WDR70: variants seen among roughly 807,000 people sequenced by gnomAD.
The protein encoded by WDR70 is WD repeat domain 70.
Under a neutral mutation model 88.6 loss-of-function variants are expected in WDR70, and 53 were observed. The observed-to-expected ratio is 0.60, with a 90% confidence interval of 0.48 to 0.75. The LOEUF (loss-of-function observed/expected upper bound fraction) is 0.75, where lower values mean the gene tolerates loss of function less well. WDR70 is among the 30% of genes least tolerant of loss of function. WDR70 has a pLI of 0.00. For missense variants in WDR70, 610 were observed against 823.2 expected (o/e 0.74, Z 3.17); for synonymous variants, 280 against 270.0 (o/e 1.04, Z -0.36).
rs185612216 is a variant in WDR70 at position 37,565,323 on chromosome 5, G to A, written c.918-39741G>A. On this transcript the variant is annotated intron_variant, in intron 9 of 17. Coordinates refer to ENST00000265107, the MANE Select transcript of WDR70 (RefSeq NM_018034.4). ...GTAAAATTCTAAAGTCTAAATAAAC[G>A]TTACAAAGCATTTGACAATCTTGAC... 2.4e-3 allele frequency among the ~76,000 whole-genome samples: 368 copies of A among 152,156 alleles called. 2 individuals are homozygous for A. The highest frequency in any genetic ancestry group is 8.4e-3 in the African/African-American group (347 of 41,540).
chr5:37,563,769 C>T (rs1229398519), intron 9 of WDR70, among the ~76,000 whole-genome samples: 2 of 134,098 alleles, frequency 1.5e-5, no homozygotes, highest in Admixed American at 7.7e-5. Flanking sequence ...ACGTCCCAGA[C>T]GGAGTGGCTG....
rs1335309168 is a variant in WDR70 at position 37,589,241 on chromosome 5, T to TACAC, written c.918-15819_918-15816dup. On this transcript the variant is annotated intron_variant, in intron 9 of 17. Transcript: ENST00000265107. ...GTGAATACATACATACATATATACCTACACACATACACACACACACACACA... is the reference window on the plus strand; with the variant it reads ...GTGAATACATACATACATATATACCTACACACACACATACACACACACACACACA... Among the ~76,000 whole-genome samples the TACAC allele has an allele frequency of 1.5e-3, 108 of 70,652 alleles. 1 individual carries two copies. The highest frequency in any genetic ancestry group is 4.6e-3 in the African/African-American group (91 of 19,668). 46.4% of individuals were successfully genotyped at this position (70,652 alleles called of 152,430 possible).
chr5:37,479,207 T>C (rs1019508056), intron 7 of WDR70, among the ~76,000 whole-genome samples: 2 of 152,088 alleles, frequency 1.3e-5, no homozygotes, highest in Non-Finnish European at 2.9e-5. Flanking sequence ...AGGCAGTTCT[T>C]GTTTTCTGAG....
chr5:37,665,587 C>T (rs1053789789), intron 10 of WDR70, among the ~76,000 whole-genome samples: 2 of 152,182 alleles, frequency 1.3e-5, no homozygotes, highest in East Asian at 3.8e-4. Context: ...TGAACTCATG[C>T]TGCTGGAAAA....
At chr5:37,723,378 C>T (rs1274757026) in intron 15 of WDR70, 2 of 181,390 alleles carry the variant, frequency 1.1e-5, no homozygotes, top group East Asian at 2.8e-4. Flanking sequence ...CTCTGAAATT[C>T]TATGACCATG....
chr5:37,500,568 T>G, intron 8 of WDR70, among the ~76,000 whole-genome samples: 1 of 152,186 alleles, frequency 6.6e-6, no homozygotes, highest in Admixed American at 6.5e-5. Flanking sequence ...AAGTGTTCCC[T>G]TTTCACCACA....
intron 9 of WDR70, among the ~76,000 whole-genome samples, chr5:37,562,055 G>A (rs988256757): frequency 6.6e-6 from 1 of 152,006 alleles, no homozygotes; most frequent in African/African-American, 2.4e-5. Context: ...ATTTTTCTTT[G>A]TTTTTTAAAA....
chr5:37,389,328 A>G (rs1262371061), intron 3 of WDR70, among the ~76,000 whole-genome samples: 3 of 147,834 alleles, frequency 2.0e-5, no homozygotes, highest in Non-Finnish European at 4.4e-5. Context: ...TCCTGAGCTC[A>G]TGCAAGCCAC....
intron 2 of WDR70, among the ~76,000 whole-genome samples, chr5:37,380,978 G>T (rs138345146): frequency 4.1e-4 from 63 of 152,244 alleles, no homozygotes; most frequent in Admixed American, 1.0e-3. Context: ...CCTTTACTCA[G>T]GAGTGAGAAA....
intron 5 of WDR70, among the ~76,000 whole-genome samples, chr5:37,415,032 G>T (rs1749656501): frequency 6.6e-6 from 1 of 151,054 alleles, no homozygotes; most frequent in South Asian, 2.1e-4. Flanking sequence ...AGCACATCTT[G>T]CACCGCCCTT....
chr5:37,642,979 A>G (rs886723199), intron 10 of WDR70, among the ~76,000 whole-genome samples: 4 of 152,048 alleles, frequency 2.6e-5, no homozygotes, highest in Admixed American at 2.6e-4. Flanking sequence ...GCTTTGCAGA[A>G]GATTTTTACC....
intron 9 of WDR70, among the ~76,000 whole-genome samples, chr5:37,599,075 T>G (rs190942050): frequency 1.3e-5 from 2 of 152,370 alleles, no homozygotes; most frequent in East Asian, 3.9e-4. Context: ...GGTTTAATTT[T>G]TCTTGAAGGA....
intron 9 of WDR70, among the ~76,000 whole-genome samples, chr5:37,599,166 C>T (rs1743789766): frequency 1.3e-5 from 2 of 152,174 alleles, no homozygotes; most frequent in Admixed American, 1.3e-4. Flanking sequence ...GGAAGACCTT[C>T]TTTTAAAAAA....
chr5:37,563,210 T>C (rs1238884656), intron 9 of WDR70, among the ~76,000 whole-genome samples: 1 of 66,158 alleles, frequency 1.5e-5, no homozygotes, highest in East Asian at 4.0e-4. Context: ...ACGGGGCGGC[T>C]GGCCGGGCAG....
chr5:37,541,179 A>T (rs1741805755), intron 9 of WDR70, among the ~76,000 whole-genome samples: 1 of 152,228 alleles, frequency 6.6e-6, no homozygotes, highest in Admixed American at 6.5e-5. Flanking sequence ...ACTGTGAGTG[A>T]CTTAACCCAT....
chr5:37,433,644 G>A (rs1750381622), intron 5 of WDR70, among the ~76,000 whole-genome samples: 1 of 152,160 alleles, frequency 6.6e-6, no homozygotes, highest in East Asian at 1.9e-4. Flanking sequence ...AATACTTGAA[G>A]TTCAGAAAGT....
In WDR70 at chr5:37,657,666, G is replaced by A. The variant is rs533742152; in HGVS notation, c.1093-39989G>A. Among the ~76,000 whole-genome samples, 21 of 152,296 alleles carry A rather than the reference G, an allele frequency of 1.4e-4. 1 individual carries two copies. The East Asian group carries it at 4.1e-3, about 29-fold the overall frequency. The stretch of plus-strand genomic sequence containing the variant: ...GCCGATGTCACCCTGGGCATCAGAT[G>A]TATATTGGAGTTCAAATCCCTTAGT... On this transcript the variant is annotated intron_variant, in intron 10 of 17. Coordinates refer to ENST00000265107, the MANE Select transcript of WDR70 (RefSeq NM_018034.4).
Position 37,721,191 on chromosome 5 carries a change from A to T in WDR70, c.1493A>T (p.Tyr498Phe), listed in dbSNP as rs1344702184. 1.2e-6 allele frequency: 2 copies of T among 1,613,680 alleles called. No individual in the cohort carries two copies. The highest frequency in any genetic ancestry group is 1.7e-6 in the Non-Finnish European group (2 of 1,179,704). Residue 498 changes from tyrosine to phenylalanine, a missense_variant, in exon 14 of 18, where the codon TAT becomes TTT. Tyr to Phe is a conservative substitution (Grantham distance 22). Transcript: ENST00000265107. ...VGTGNGLAKVYYDPNKSQRGA... is the reference protein window; with the variant it reads ...VGTGNGLAKVFYDPNKSQRGA... Reference sequence around the variant, plus strand: ...ACTGGAAATGGATTGGCTAAAGTCTATTACGACCCCAACAAGAGTCAGAGG... The same window carrying T: ...ACTGGAAATGGATTGGCTAAAGTCTTTTACGACCCCAACAAGAGTCAGAGG...
chr5:37,747,644 TG>T (rs1748671641), intron 17 of WDR70, among the ~76,000 whole-genome samples: 2 of 152,170 alleles, frequency 1.3e-5, no homozygotes, highest in African/African-American at 4.8e-5. Flanking sequence ...TTGGAAATTC[TG>T]GCTGGGGCAA....
Sources: allele counts gnomAD v4.1 joint callset (sites outside exome capture counted in the v4.1 genomes callset), GRCh38; gene constraint gnomAD v4.1.1; transcripts MANE v1.5; gene names NCBI Gene and HGNC (gene_info 2026-07-23, HGNC 2026-07-21).